BMAL2: variants seen among roughly 807,000 people sequenced by gnomAD.
The protein encoded by BMAL2 is basic helix-loop-helix ARNT like 2.
the BMAL2 span, chr12:27,390,185 T>A: frequency 6.2e-7 from 1 of 1,613,992 alleles, no homozygotes; most frequent in Non-Finnish European, 8.5e-7. Context: ...GATAAAGAGT[T>A]GTAAAATCTC....
At chr12:27,396,484 C>G in the BMAL2 span, among the ~76,000 whole-genome samples, 5 of 152,204 alleles carry the variant, frequency 3.3e-5, no homozygotes, top group African/African-American at 4.8e-5. Context: ...AATCAGCAAT[C>G]TGGCTTTAAA....
the BMAL2 span, chr12:27,416,015 A>C: frequency 8.9e-7 from 1 of 1,121,496 alleles, no homozygotes; most frequent in Non-Finnish European, 1.3e-6. Flanking sequence ...CTTGTTGATT[A>C]TTTCTTTTAA....
At chr12:27,361,716 T>C in the BMAL2 span, among the ~76,000 whole-genome samples, 1 of 152,204 alleles carries the variant, frequency 6.6e-6, no homozygotes, top group Non-Finnish European at 1.5e-5. Context: ...ATCTGCAACA[T>C]GGAGATTATT....
chr12:27,396,863 T>G, the BMAL2 span, among the ~76,000 whole-genome samples: 1 of 151,808 alleles, frequency 6.6e-6, no homozygotes, highest in African/African-American at 2.4e-5. Context: ...TGTAGACAGC[T>G]GGGCCAGGAT....
At chr12:27,398,342 A>T in the BMAL2 span, among the ~76,000 whole-genome samples, 4 of 152,184 alleles carry the variant, frequency 2.6e-5, no homozygotes, top group Non-Finnish European at 5.9e-5. Context: ...CACATTTGGG[A>T]ACTCATGGAG....
chr12:27,391,627 A>G, the BMAL2 span, among the ~76,000 whole-genome samples: 1 of 152,236 alleles, frequency 6.6e-6, no homozygotes, highest in East Asian at 1.9e-4. Flanking sequence ...TGCTTTCCAT[A>G]GTGGCTGAAC....
chr12:27,418,173 T>C, the BMAL2 span: 4 of 1,612,562 alleles, frequency 2.5e-6, no homozygotes, highest in East Asian at 4.5e-5. Flanking sequence ...ACTGTTGCTG[T>C]CCACAGCCAT....
the BMAL2 span, among the ~76,000 whole-genome samples, chr12:27,396,495 A>G: frequency 1.3e-5 from 2 of 152,208 alleles, no homozygotes; most frequent in Admixed American, 6.5e-5. Flanking sequence ...TGGCTTTAAA[A>G]TCTGTATGCC....
At chr12:27,397,215 C>T in the BMAL2 span, among the ~76,000 whole-genome samples, 1 of 152,174 alleles carries the variant, frequency 6.6e-6, no homozygotes, top group Non-Finnish European at 1.5e-5. Flanking sequence ...GGACTACAGG[C>T]ACATGCCACC....
At chr12:27,385,465 A>T in the BMAL2 span, 1 of 1,558,608 alleles carries the variant, frequency 6.4e-7, no homozygotes, top group Non-Finnish European at 8.8e-7. Flanking sequence ...ATAACTCTTG[A>T]TGCCTTTCTT....
the BMAL2 span, among the ~76,000 whole-genome samples, chr12:27,409,180 T>G: frequency 8.5e-5 from 13 of 152,134 alleles, no homozygotes; most frequent in Admixed American, 8.5e-4. Flanking sequence ...CAAGGTAATT[T>G]ATAGATTCAA....
the BMAL2 span, among the ~76,000 whole-genome samples, chr12:27,396,602 G>C: frequency 6.6e-6 from 1 of 152,268 alleles, no homozygotes; most frequent in South Asian, 2.1e-4. Context: ...GGGAGTGGGC[G>C]CCTGCTGTAG....
chr12:27,399,883 C>T, the BMAL2 span, among the ~76,000 whole-genome samples: 1 of 152,044 alleles, frequency 6.6e-6, no homozygotes, highest in Non-Finnish European at 1.5e-5. Context: ...TAGATTATTT[C>T]CAATTTTTTA....
the BMAL2 span, among the ~76,000 whole-genome samples, chr12:27,378,568 G>A: frequency 1.3e-5 from 2 of 152,186 alleles, no homozygotes; most frequent in African/African-American, 4.8e-5. Flanking sequence ...GGAGCTGTCG[G>A]GGAAAGTCTT....
At chr12:27,342,724 C>G in the BMAL2 span, among the ~76,000 whole-genome samples, 1 of 152,186 alleles carries the variant, frequency 6.6e-6, no homozygotes, top group African/African-American at 2.4e-5. Flanking sequence ...CTTACACTAC[C>G]ATGGAAACAA....
the BMAL2 span, chr12:27,387,410 C>T: frequency 1.2e-6 from 1 of 838,962 alleles, no homozygotes; most frequent in Non-Finnish European, 2.0e-6. Context: ...ACCTTCTCCC[C>T]ACTGGGATAT....
At chr12:27,372,081 A>T in the BMAL2 span, among the ~76,000 whole-genome samples, 1 of 152,202 alleles carries the variant, frequency 6.6e-6, no homozygotes. Flanking sequence ...ATACAAAAAA[A>T]TTAGCCAGGC....
chr12:27,378,406 T>C, the BMAL2 span, among the ~76,000 whole-genome samples: 6 of 152,208 alleles, frequency 3.9e-5, no homozygotes, highest in East Asian at 1.9e-4. Flanking sequence ...AATAACTGAG[T>C]TGGATTTTGA....
At chr12:27,354,716 A>G in the BMAL2 span, among the ~76,000 whole-genome samples, 2 of 152,198 alleles carry the variant, frequency 1.3e-5, no homozygotes, top group Non-Finnish European at 1.5e-5. Context: ...TTGGTATCTT[A>G]CTAGGTATCT....
Sources: gnomAD v4.1 joint callset for allele counts (sites outside exome capture counted in the v4.1 genomes callset) on GRCh38, gnomAD v4.1.1 for gene constraint, MANE v1.5 for transcripts, NCBI Gene and HGNC (gene_info 2026-07-23, HGNC 2026-07-21) for gene names.